Variants in CFAP54 observed in about 807,000 individuals in gnomAD.
CFAP54 encodes cilia- and flagella-associated protein 54.
CFAP54 carries 290 observed loss-of-function variants against 370.4 expected under a neutral mutation model. That is an observed-to-expected ratio of 0.78 (90% CI 0.71 to 0.86). The LOEUF (loss-of-function observed/expected upper bound fraction) is 0.86, where lower values mean the gene tolerates loss of function less well. CFAP54 is among the 40% of genes least tolerant of loss of function. The probability of loss-of-function intolerance (pLI) is 0.00; values close to 1 mark genes in which losing one functional copy is unlikely to be tolerated. For missense variants in CFAP54, 3,399 were observed against 3,528.7 expected (o/e 0.96, Z 0.93); for synonymous variants, 1,206 against 1,236.5 (o/e 0.98, Z 0.52).
At chr12:96,538,296 C>A in intron 12 of CFAP54, 88 bp from the exon 13 acceptor site, 3 of 1,133,548 alleles carry the variant, frequency 2.6e-6, no homozygotes, top group South Asian at 1.6e-5. Flanking sequence ...ATTTGTAAAG[C>A]TCTTAGAGTG....
Position 96,572,744 on chromosome 12 carries a change from C to T in CFAP54, c.2620-3841C>T, listed in dbSNP as rs116675917. Reference sequence around the variant, plus strand: ...TTATCCTTGGTGTTTGTAAATAATACAGATGTTCAAGCTCCACTCCTGGAG... The same window carrying T: ...TTATCCTTGGTGTTTGTAAATAATATAGATGTTCAAGCTCCACTCCTGGAG... On this transcript the variant is annotated intron_variant, in intron 19 of 67. Coordinates refer to ENST00000524981, the MANE Select transcript of CFAP54 (RefSeq NM_001306084.2). 281 of 427,602 alleles carry T rather than the reference C, an allele frequency of 6.6e-4. 1 individual carries two copies. The highest frequency in any genetic ancestry group is 5.7e-3 in the African/African-American group (264 of 46,456). 26.5% of individuals were successfully genotyped at this position (427,602 alleles called of 1,614,324 possible).
chr12:96,772,591 A>ATT lies in CFAP54; in HGVS notation c.8281+7390_8281+7391dup, dbSNP rs35817553. 3.1e-3 allele frequency among the ~76,000 whole-genome samples: 428 copies of ATT among 137,760 alleles called. 1 individual carries two copies. The highest frequency in any genetic ancestry group is 9.9e-3 in the South Asian group (42 of 4,232). The allele number at this position is 137,760 out of a possible 152,430, so 90.4% of individuals were successfully genotyped here. A position where few individuals can be genotyped will look rare whatever the true frequency, so the allele number is the denominator to read the frequency against. The stretch of plus-strand genomic sequence containing the variant: ...TCAGTTGATAGGTGATTGGTGGGCA[A>ATT]TTTTTTTTTTTTTTTTTTGAGATGG... On this transcript the variant is annotated intron_variant, in intron 60 of 67. Coordinates refer to ENST00000524981, the MANE Select transcript of CFAP54 (RefSeq NM_001306084.2).
In CFAP54 at chr12:96,644,406, C is replaced by T; in HGVS notation, c.4545C>T (p.Val1515=). Residue 1515 remains valine (V), a splice_region_variant and synonymous_variant, in exon 33 of 68, where the codon GTC becomes GTT. Transcript: ENST00000524981. ...KMKFGTSHMM[V]SFRSCDPNMF... is the part of the protein sequence containing the mutation. ...AATTTGGCACATCACATATGATGGT[C>T]AGGTATAGTATATTACTGATGAAAA... 3 of 1,520,250 alleles carry T rather than the reference C, an allele frequency of 2.0e-6. No individual in the cohort carries two copies. The highest frequency in any genetic ancestry group is 2.6e-6 in the Non-Finnish European group (3 of 1,132,714). The allele number at this position is 1,520,250 out of a possible 1,614,324, so 94.2% of individuals were successfully genotyped here. A position where few individuals can be genotyped will look rare whatever the true frequency, so the allele number is the denominator to read the frequency against.
At chr12:96,527,609 C>A (rs931936980) in intron 9 of CFAP54, among the ~76,000 whole-genome samples, 165 bp downstream of exon 9, 1 of 151,600 alleles carries the variant, frequency 6.6e-6, no homozygotes, top group Non-Finnish European at 1.5e-5. Context: ...CTTTGTCACC[C>A]AGACTGGAGT....
intron 26 of CFAP54, among the ~76,000 whole-genome samples, chr12:96,599,174 A>G (rs1956213413): frequency 8.2e-6 from 1 of 122,380 alleles, no homozygotes; most frequent in African/African-American, 3.1e-5. Flanking sequence ...CCACCCCCCA[A>G]TAAGCCCTGA....
intron 50 of CFAP54, among the ~76,000 whole-genome samples, chr12:96,727,868 C>A (rs1035537585): frequency 4.6e-5 from 7 of 151,192 alleles, no homozygotes; most frequent in Non-Finnish European, 5.9e-5. Context: ...TTAGGGCAGG[C>A]CTGGTGGTGA....
At chr12:96,654,791 C>T (rs1956903584) in intron 36 of CFAP54, among the ~76,000 whole-genome samples, 1 of 142,508 alleles carries the variant, frequency 7.0e-6, no homozygotes, top group South Asian at 2.5e-4. Context: ...TAAGTGAGAG[C>T]ATACAATATT....
chr12:96,528,164 A>C (rs1361821826), intron 9 of CFAP54, among the ~76,000 whole-genome samples: 2 of 152,114 alleles, frequency 1.3e-5, no homozygotes, highest in Non-Finnish European at 1.5e-5. Context: ...AGATATCTAC[A>C]GAATAATTTT....
Position 96,786,722 on chromosome 12 carries a change from C to T in CFAP54, c.8503C>T (p.Leu2835Phe). The T allele has an allele frequency of 6.5e-7, 1 of 1,535,908 alleles. No individual in the cohort carries two copies. Among genetic ancestry groups the T allele is most frequent in the Non-Finnish European group, 8.7e-7 (1 of 1,146,824 alleles). ...AATTTCTTTGCCAGATGATACACTT[C>T]TCACATCCCTTTACAACTCTGAGTT... ...SGISLPDDTL[L>F]TSLYNSELIL... The change falls in exon 62 of 68, where the codon CTC becomes TTC. Residue 2835 changes from leucine (L) to phenylalanine (F), a missense_variant. This residue lies in a region of CFAP54 where 2,796 missense variants were observed against 2,869.7 expected (regional missense o/e 0.97). Transcript: ENST00000524981.
At chr12:96,771,316 G>A (rs1048021682) in intron 60 of CFAP54, among the ~76,000 whole-genome samples, 1 of 152,160 alleles carries the variant, frequency 6.6e-6, no homozygotes, top group Non-Finnish European at 1.5e-5. Flanking sequence ...ACTGTCCACT[G>A]GTTTGAGTAG....
At chr12:96,761,581 TTA>T (rs1390477720) in intron 58 of CFAP54, among the ~76,000 whole-genome samples, 1 of 152,148 alleles carries the variant, frequency 6.6e-6, no homozygotes, top group Non-Finnish European at 1.5e-5. Context: ...GAAGATTTTC[TTA>T]TATGTTTTCT....
chr12:96,592,852 CT>C (rs1467772386), intron 24 of CFAP54, among the ~76,000 whole-genome samples: 28 of 152,148 alleles, frequency 1.8e-4, no homozygotes, highest in Middle Eastern at 6.8e-3. Context: ...TCTTTTCCCC[CT>C]GTGTGTAAAA....
intron 17 of CFAP54, among the ~76,000 whole-genome samples, chr12:96,555,134 A>T (rs574853466): frequency 6.6e-6 from 1 of 152,194 alleles, no homozygotes; most frequent in African/African-American, 2.4e-5. Flanking sequence ...GGTGCCAATA[A>T]GACAGTCTAC....
intron 66 of CFAP54, among the ~76,000 whole-genome samples, chr12:96,856,875 T>A (rs1015503628): frequency 1.5e-4 from 23 of 152,238 alleles, no homozygotes; most frequent in Non-Finnish European, 3.2e-4. Flanking sequence ...CAACTTACTG[T>A]ATTAGTCTGT....
chr12:96,621,726 T>G lies in CFAP54; in HGVS notation c.3771+5T>G. On this transcript the variant is annotated splice_donor_5th_base_variant and intron_variant, in intron 27 of 67. Transcript: ENST00000524981. ...CAAGAAGAAATGCCAGAGGAGGTAA[T>G]TGTTTTTGTTTCTCATTTTTAAACC... is the stretch of plus-strand genomic sequence containing the variant. The G allele has an allele frequency of 6.6e-7, 1 of 1,519,482 alleles. No homozygotes were observed. Among genetic ancestry groups the G allele is most frequent in the Non-Finnish European group, 8.8e-7 (1 of 1,138,748 alleles). 94.1% of individuals were successfully genotyped at this position (1,519,482 alleles called of 1,614,324 possible). A position where few individuals can be genotyped will look rare whatever the true frequency, so the allele number is the denominator to read the frequency against.
intron 26 of CFAP54, among the ~76,000 whole-genome samples, chr12:96,615,891 A>C (rs1325916467): frequency 6.6e-6 from 1 of 152,248 alleles, no homozygotes; most frequent in Non-Finnish European, 1.5e-5. Context: ...GTGGAGAAAT[A>C]GGAACACTTT....
intron 55 of CFAP54, among the ~76,000 whole-genome samples, chr12:96,753,315 A>G (rs568164698): frequency 6.6e-6 from 1 of 152,348 alleles, no homozygotes; most frequent in South Asian, 2.1e-4. Context: ...CACACAAAGC[A>G]AGTAACCACT....
At position 96,534,266 on chromosome 12, in the gene CFAP54, C is replaced by G. The variant is rs151279126; in HGVS notation, c.1705+39C>G. 1,390 of 1,128,692 alleles carry G rather than the reference C, an allele frequency of 1.2e-3. 14 individuals are homozygous for G. In the African/African-American group the frequency reaches 0.019, roughly 16 times the overall value. 69.9% of individuals were successfully genotyped at this position (1,128,692 alleles called of 1,614,324 possible). ...TGTTTGTTCAAAAAATTTAGTTTGA[C>G]GAAATATGCTCTTTTATAGATATGG... is the stretch of plus-strand genomic sequence containing the variant. On this transcript the variant is annotated intron_variant, in intron 11 of 67. Transcript: ENST00000524981.
intron 1 of CFAP54, among the ~76,000 whole-genome samples, chr12:96,499,972 C>G (rs1293325487): frequency 2.0e-5 from 3 of 151,290 alleles, no homozygotes; most frequent in African/African-American, 7.3e-5. Flanking sequence ...CAAAACAAAA[C>G]AAAACAAAAC....
Sources: allele counts gnomAD v4.1 joint callset (sites outside exome capture counted in the v4.1 genomes callset), GRCh38; gene constraint gnomAD v4.1.1; regional missense constraint gnomAD v4.1.1; transcripts MANE v1.5; gene names NCBI Gene and HGNC (gene_info 2026-07-23, HGNC 2026-07-21).